DNAH14: variants seen among roughly 807,000 people sequenced by gnomAD.
The protein encoded by DNAH14 is axonemal beta dynein heavy chain 14.
Under a neutral mutation model 520.9 loss-of-function variants are expected in DNAH14, and 478 were observed. The ratio of observed to expected loss-of-function variants is 0.92; its 90% CI spans 0.85 to 0.99. The LOEUF is 0.99. Ranked by LOEUF, DNAH14 falls within the 50% of genes least tolerant of loss-of-function variation. The pLI is 0.00. For synonymous variants in DNAH14, 1,581 were observed against 1,757.2 expected, an observed-to-expected ratio of 0.90 and a Z score of 2.51; for missense variants, 4,831 against 5,234.5, an observed-to-expected ratio of 0.92 and a Z score of 2.38.
chr1:225,113,900 C>A (rs1001206693), intron 23 of DNAH14, among the ~76,000 whole-genome samples: 1 of 152,158 alleles, frequency 6.6e-6, no homozygotes, highest in Non-Finnish European at 1.5e-5. Context: ...TAGCCCAGGG[C>A]AGGTGCAGAA....
chr1:225,374,257 TA>T lies in DNAH14; in HGVS notation c.12319-430del, dbSNP rs1558561333. On this transcript the variant is annotated intron_variant, in intron 77 of 85. Transcript: ENST00000682510. ...TAATATATATATTTGTCTATATATATATATATATATATATTTTTTTTTGAGA... is the reference window on the plus strand; with the variant it reads ...TAATATATATATTTGTCTATATATATTATATATATATATTTTTTTTTGAGA... Among the ~76,000 whole-genome samples, 18 of 102,752 alleles carry T rather than the reference TA, an allele frequency of 1.8e-4. 2 individuals are homozygous for T. The highest frequency in any genetic ancestry group is 5.5e-4 in the African/African-American group (16 of 28,872). The allele number at this position is 102,752 out of a possible 152,430, so 67.4% of individuals were successfully genotyped here. A position where few individuals can be genotyped will look rare whatever the true frequency, so the allele number is the denominator to read the frequency against.
At chr1:225,378,933 C>A (rs1379403932) in intron 79 of DNAH14, among the ~76,000 whole-genome samples, 3 of 151,518 alleles carry the variant, frequency 2.0e-5, no homozygotes, top group Non-Finnish European at 4.4e-5. Flanking sequence ...GTAAATAGAG[C>A]AGCAGAACTC....
At chr1:225,058,907 A>G (rs1401427016) in intron 17 of DNAH14, among the ~76,000 whole-genome samples, 1 of 151,914 alleles carries the variant, frequency 6.6e-6, no homozygotes, top group Non-Finnish European at 1.5e-5. Flanking sequence ...AGTTTGTTAT[A>G]ATTTTTATTC....
intron 11 of DNAH14, among the ~76,000 whole-genome samples, chr1:225,027,755 T>C (rs926068062): frequency 5.3e-5 from 8 of 152,084 alleles, no homozygotes; most frequent in Non-Finnish European, 1.0e-4. Context: ...CCTTCAACAC[T>C]GGGAATTACA....
intron 17 of DNAH14, among the ~76,000 whole-genome samples, chr1:225,072,614 T>A (rs2071678570): frequency 6.6e-6 from 1 of 152,228 alleles, no homozygotes; most frequent in Non-Finnish European, 1.5e-5. Flanking sequence ...GCATTCTGGC[T>A]TTTTGAGTTT....
intron 3 of DNAH14, among the ~76,000 whole-genome samples, chr1:224,957,824 ATAGAGT>A (rs2060608490): frequency 6.6e-6 from 1 of 152,284 alleles, no homozygotes; most frequent in Admixed American, 6.5e-5. Context: ...AAATGAGGAA[ATAGAGT>A]TAGTGACTAT....
intron 55 of DNAH14, 88 bp from the exon 56 acceptor site, chr1:225,300,781 T>C: frequency 7.4e-7 from 1 of 1,345,472 alleles, no homozygotes; most frequent in Non-Finnish European, 1.0e-6. Flanking sequence ...TTAATCACTG[T>C]TGCTTTCTTG....
intron 38 of DNAH14, among the ~76,000 whole-genome samples, chr1:225,198,806 T>G (rs2086462325): frequency 6.6e-6 from 1 of 152,186 alleles, no homozygotes; most frequent in Non-Finnish European, 1.5e-5. Flanking sequence ...TTTTCTTTTT[T>G]GGTTATGTCC....
Position 224,977,231 on chromosome 1 carries a change from C to T in DNAH14, c.830+3078C>T, listed in dbSNP as rs574275557. ...GAAATCATCATTCTCAGTAGACTAT[C>T]GCAAGAACAGAAACCAAACACCGCA... On this transcript the variant is annotated intron_variant, in intron 8 of 85. Transcript: ENST00000682510. Among the ~76,000 whole-genome samples, 118 of 151,224 alleles carry T rather than the reference C, an allele frequency of 7.8e-4. 1 individual carries two copies. The highest frequency in any genetic ancestry group is 2.7e-3 in the African/African-American group (110 of 41,232).
rs1258625722 is a variant in DNAH14 at position 225,335,319 on chromosome 1, GCA to G, written c.10080+1816_10080+1817del. ...TACACATGTGTACACGTGTGTATAT[GCA>G]CATATACACGTGTGTACATGTGTGT... On this transcript the variant is annotated intron_variant, in intron 66 of 85. Coordinates refer to ENST00000682510, the MANE Select transcript of DNAH14 (RefSeq NM_001367479.1). 9.5e-5 allele frequency among the ~76,000 whole-genome samples: 12 copies of G among 126,162 alleles called. 1 individual carries two copies. Among genetic ancestry groups the G allele is most frequent in the East Asian group, 2.6e-4 (1 of 3,902 alleles). 82.8% of individuals were successfully genotyped at this position (126,162 alleles called of 152,430 possible). A position where few individuals can be genotyped will look rare whatever the true frequency, so the allele number is the denominator to read the frequency against.
At chr1:225,017,689 G>A (rs2147973063) in intron 10 of DNAH14, among the ~76,000 whole-genome samples, 1 of 152,336 alleles carries the variant, frequency 6.6e-6, no homozygotes, top group East Asian at 1.9e-4. Flanking sequence ...CTGCAGTCTG[G>A]GAGCACCTTG....
chr1:225,362,979 A>G (rs1159614589), intron 75 of DNAH14, among the ~76,000 whole-genome samples: 2 of 152,158 alleles, frequency 1.3e-5, no homozygotes, highest in Non-Finnish European at 2.9e-5. Context: ...GTGGGATTAC[A>G]GGCCATATTT....
At chr1:225,082,919 G>A (rs946980935) in intron 20 of DNAH14, among the ~76,000 whole-genome samples, 180 bp downstream of exon 20, 3 of 151,938 alleles carry the variant, frequency 2.0e-5, no homozygotes, top group South Asian at 4.1e-4. Flanking sequence ...GGAGATATTG[G>A]GTAAGCTATT....
At chr1:225,263,855 A>G (rs1479616271) in intron 46 of DNAH14, among the ~76,000 whole-genome samples, 1 of 152,112 alleles carries the variant, frequency 6.6e-6, no homozygotes, top group African/African-American at 2.4e-5. Flanking sequence ...AACAAGACCA[A>G]AATAAGATGA....
intron 23 of DNAH14, among the ~76,000 whole-genome samples, chr1:225,106,134 C>T (rs1299158831): frequency 6.7e-6 from 1 of 150,110 alleles, no homozygotes; most frequent in Non-Finnish European, 1.5e-5. Context: ...TTCTCCTTCA[C>T]TTATGGAGCT....
intron 28 of DNAH14, 80 bp downstream of exon 28, chr1:225,141,101 CTT>C: frequency 1.5e-6 from 2 of 1,333,400 alleles, no homozygotes; most frequent in Non-Finnish European, 9.9e-7. Context: ...CTACCTCACA[CTT>C]TGTCAAACTT....
intron 44 of DNAH14, among the ~76,000 whole-genome samples, chr1:225,255,723 T>A (rs1046547665): frequency 1.3e-5 from 2 of 152,164 alleles, no homozygotes; most frequent in Non-Finnish European, 2.9e-5. Flanking sequence ...TAAAGATAAT[T>A]AGCAGAAACA....
At chr1:225,071,506 C>T (rs532395226) in intron 17 of DNAH14, among the ~76,000 whole-genome samples, 7 of 152,204 alleles carry the variant, frequency 4.6e-5, no homozygotes, top group South Asian at 4.2e-4. Flanking sequence ...TGAATATTGG[C>T]CTCCAATCTC....
chr1:225,021,537 G>A (rs2065693199), intron 10 of DNAH14, among the ~76,000 whole-genome samples: 1 of 152,018 alleles, frequency 6.6e-6, no homozygotes, highest in African/African-American at 2.4e-5. Context: ...ATTCACAATA[G>A]CCACAATAAG....
Sources: allele counts gnomAD v4.1 joint callset (sites outside exome capture counted in the v4.1 genomes callset), GRCh38; gene constraint gnomAD v4.1.1; transcripts MANE v1.5; gene names NCBI Gene and HGNC (gene_info 2026-07-23, HGNC 2026-07-21).